Variants in TOM1L2 observed in about 807,000 individuals in gnomAD.
TOM1L2 encodes TOM1-like protein 2.
TOM1L2 carries 31 observed loss-of-function variants against 67.9 expected under a neutral mutation model. The ratio of observed to expected loss-of-function variants is 0.46; its 90% CI spans 0.34 to 0.62. TOM1L2 has a LOEUF of 0.62. Among genes scored for constraint, TOM1L2 ranks in the 20% least tolerant of loss-of-function variants. The pLI is 0.01. For missense variants in TOM1L2, 606 were observed against 663.5 expected (o/e 0.91, Z 0.95); for synonymous variants, 256 against 254.0 (o/e 1.01, Z -0.07).
At chr17:17,856,477 C>T (rs967275913) in intron 12 of TOM1L2, among the ~76,000 whole-genome samples, 4 of 152,240 alleles carry the variant, frequency 2.6e-5, no homozygotes, top group East Asian at 1.9e-4. Context: ...CTTGCTCCCA[C>T]GGCTCTGGGT....
At chr17:17,940,305 G>C (rs918333370) in intron 1 of TOM1L2, among the ~76,000 whole-genome samples, 1 of 151,620 alleles carries the variant, frequency 6.6e-6, no homozygotes, top group Non-Finnish European at 1.5e-5. Flanking sequence ...CTGGCATATA[G>C]CAAGAGTAAT....
At chr17:17,918,619 C>CT (rs2039729311) in intron 1 of TOM1L2, among the ~76,000 whole-genome samples, 1 of 152,172 alleles carries the variant, frequency 6.6e-6, no homozygotes, top group South Asian at 2.1e-4. Flanking sequence ...TCTGGAAAGC[C>CT]TTCTCTCCAG....
In TOM1L2 at chr17:17,845,127, C is replaced by T. The variant is rs2035576532; in HGVS notation, c.*2508G>A. The T allele has an allele frequency of 6.6e-6, 1 of 152,272 alleles. No individual in the cohort carries two copies. Among genetic ancestry groups the T allele is most frequent in the African/African-American group, 2.4e-5 (1 of 41,456 alleles). The allele number at this position is 152,272 out of a possible 1,614,324, so 9.4% of individuals were successfully genotyped here. On this transcript the variant is annotated 3_prime_UTR_variant, in exon 15 of 15. Coordinates refer to ENST00000379504, the MANE Select transcript of TOM1L2 (RefSeq NM_001082968.2). Reference sequence around the variant, plus strand: ...TGGGGCACCGGGGCTATACTTGCTTCCTGTGCAGGCCTCAAGCAAGAGCCC... The same window carrying T: ...TGGGGCACCGGGGCTATACTTGCTTTCTGTGCAGGCCTCAAGCAAGAGCCC...
At chr17:17,854,907 C>T (rs1206750424) in intron 12 of TOM1L2, among the ~76,000 whole-genome samples, 2 of 151,952 alleles carry the variant, frequency 1.3e-5, no homozygotes, top group African/African-American at 4.8e-5. Flanking sequence ...TCTGAAGAAG[C>T]GTATGAGTTG....
chr17:17,857,709 C>T (rs771291457), intron 12 of TOM1L2: 1 of 1,400,860 alleles, frequency 7.1e-7, no homozygotes, highest in Non-Finnish European at 9.8e-7. Context: ...AAGACATGAG[C>T]TGTTACACAG....
intron 4 of TOM1L2, 126 bp downstream of exon 4, chr17:17,893,535 C>T: frequency 2.1e-6 from 2 of 970,754 alleles, no homozygotes; most frequent in Non-Finnish European, 3.0e-6. Flanking sequence ...TATTTTGCAC[C>T]AAATATTTTA....
At chr17:17,930,607 T>C (rs2040290742) in intron 1 of TOM1L2, among the ~76,000 whole-genome samples, 1 of 152,258 alleles carries the variant, frequency 6.6e-6, no homozygotes, top group South Asian at 2.1e-4. Context: ...ATCACTGCCC[T>C]GTTCCAGCCC....
intron 7 of TOM1L2, among the ~76,000 whole-genome samples, chr17:17,876,304 G>A (rs903322165): frequency 6.6e-6 from 1 of 152,138 alleles, no homozygotes; most frequent in Admixed American, 6.5e-5. Flanking sequence ...GAGAAGTGAC[G>A]CAGCAGGGTT....
chr17:17,898,248 A>G (rs188742768), intron 3 of TOM1L2, among the ~76,000 whole-genome samples: 372 of 152,238 alleles, frequency 2.4e-3, no homozygotes, highest in Middle Eastern at 0.017. Context: ...GAGGAAACTG[A>G]TATCTAGAGA....
At chr17:17,934,957 C>T (rs2040462807) in intron 1 of TOM1L2, among the ~76,000 whole-genome samples, 1 of 152,250 alleles carries the variant, frequency 6.6e-6, no homozygotes, top group Non-Finnish European at 1.5e-5. Context: ...CACCGTGCTG[C>T]ACTCAGCTAT....
At chr17:17,939,289 G>C (rs1463145851) in intron 1 of TOM1L2, among the ~76,000 whole-genome samples, 1 of 152,194 alleles carries the variant, frequency 6.6e-6, no homozygotes, top group Non-Finnish European at 1.5e-5. Context: ...CATCTGATGG[G>C]AGGCCTCCCA....
At chr17:17,882,917 A>T in intron 5 of TOM1L2, 54 bp from the exon 6 acceptor site, 1 of 1,599,042 alleles carries the variant, frequency 6.3e-7, no homozygotes, top group Non-Finnish European at 8.5e-7. Flanking sequence ...GCATAGCTGG[A>T]CCTGGTACCT....
chr17:17,933,565 C>T (rs1297522174), intron 1 of TOM1L2, among the ~76,000 whole-genome samples: 2 of 152,146 alleles, frequency 1.3e-5, no homozygotes, highest in African/African-American at 4.8e-5. Flanking sequence ...GGGCTTTTCA[C>T]CAAGCTCCCC....
chr17:17,880,683 C>T (rs2037676240), intron 6 of TOM1L2, among the ~76,000 whole-genome samples: 1 of 152,190 alleles, frequency 6.6e-6, no homozygotes. Context: ...CAGCAACATC[C>T]AGAGCCGGAC....
intron 10 of TOM1L2, among the ~76,000 whole-genome samples, chr17:17,866,039 G>A (rs2036830682): frequency 6.6e-6 from 1 of 152,102 alleles, no homozygotes; most frequent in Admixed American, 6.6e-5. Flanking sequence ...ACTGCGCACG[G>A]CCGTGACCTT....
At chr17:17,954,497 G>C (rs778232045) in intron 1 of TOM1L2, among the ~76,000 whole-genome samples, 3 of 152,130 alleles carry the variant, frequency 2.0e-5, no homozygotes. Flanking sequence ...ATTTTTAGTA[G>C]AGACGGGGTT....
intron 1 of TOM1L2, among the ~76,000 whole-genome samples, chr17:17,953,710 G>T (rs1444725404): frequency 6.6e-6 from 1 of 152,232 alleles, no homozygotes; most frequent in African/African-American, 2.4e-5. Context: ...GAGCACATAG[G>T]GTGTGTAGTG....
intron 2 of TOM1L2, among the ~76,000 whole-genome samples, chr17:17,900,701 T>A (rs1040188966): frequency 1.3e-5 from 2 of 152,176 alleles, no homozygotes; most frequent in Non-Finnish European, 2.9e-5. Flanking sequence ...CAAGGCTCCA[T>A]GGGGACTGGG....
intron 14 of TOM1L2, 55 bp from the exon 15 acceptor site, chr17:17,847,838 A>G (rs1339413122): frequency 6.2e-7 from 1 of 1,610,598 alleles, no homozygotes; most frequent in Non-Finnish European, 8.5e-7. Flanking sequence ...CCACCAGAGG[A>G]AGCGCACCCT....
Sources: allele counts gnomAD v4.1 joint callset (sites outside exome capture counted in the v4.1 genomes callset), GRCh38; gene constraint gnomAD v4.1.1; transcripts MANE v1.5; gene names NCBI Gene and HGNC (gene_info 2026-07-23, HGNC 2026-07-21).